SLIT3: variants seen among roughly 807,000 people sequenced by gnomAD.
SLIT3 encodes the protein slit guidance ligand 3.
In SLIT3, 68 loss-of-function variants were observed where a neutral mutation model predicts 184.0. The observed-to-expected ratio is 0.37, with a 90% confidence interval of 0.30 to 0.45. The LOEUF is 0.45. Among genes scored for constraint, SLIT3 ranks in the 20% least tolerant of loss-of-function variants. SLIT3 has a pLI of 1.00. For synonymous variants in SLIT3, 831 were observed against 828.6 expected (o/e 1.00, Z -0.05); for missense variants, 1,707 against 2,026.0 (o/e 0.84, Z 3.02).
intron 4 of SLIT3, among the ~76,000 whole-genome samples, chr5:169,101,822 G>A (rs2113231822): frequency 6.6e-6 from 1 of 152,298 alleles, no homozygotes; most frequent in African/African-American, 2.4e-5. Context: ...TCTGCTTAGA[G>A]TGTCTTTTAT....
At chr5:168,833,416 C>T (rs1206836471) in intron 6 of SLIT3, among the ~76,000 whole-genome samples, 4 of 152,146 alleles carry the variant, frequency 2.6e-5, no homozygotes, top group African/African-American at 9.7e-5. Flanking sequence ...CAGGGGACTC[C>T]AGTGCTTACT....
intron 4 of SLIT3, among the ~76,000 whole-genome samples, chr5:169,006,339 G>A (rs1314298581): frequency 6.6e-6 from 1 of 152,100 alleles, no homozygotes; most frequent in Non-Finnish European, 1.5e-5. Context: ...TGAGAGAGTT[G>A]GCAGATCTGG....
chr5:168,684,967 T>C (rs1186479957), intron 31 of SLIT3, among the ~76,000 whole-genome samples: 3 of 151,342 alleles, frequency 2.0e-5, no homozygotes, highest in African/African-American at 7.3e-5. Flanking sequence ...ATTTATTCTT[T>C]TGAGACAGAG....
In SLIT3 at chr5:169,251,370, G is replaced by C. The variant is rs759340572; in HGVS notation, c.269+18C>G. 1.3e-6 allele frequency: 2 copies of C among 1,579,384 alleles called. No individual in the cohort carries two copies. Among genetic ancestry groups the C allele is most frequent in the African/African-American group, 1.3e-5 (1 of 74,224 alleles). ...GAGCTAAAAATGAAAACACACTTGAGAGCCATCAACTACTTACAAGACTCG... is the reference window on the plus strand; with the variant it reads ...GAGCTAAAAATGAAAACACACTTGACAGCCATCAACTACTTACAAGACTCG... On this transcript the variant is annotated intron_variant, in intron 2 of 35. Coordinates refer to ENST00000519560, the MANE Select transcript of SLIT3 (RefSeq NM_003062.4).
intron 4 of SLIT3, among the ~76,000 whole-genome samples, chr5:169,169,768 C>A (rs1006304199): frequency 6.6e-6 from 1 of 152,230 alleles, no homozygotes; most frequent in African/African-American, 2.4e-5. Flanking sequence ...ACCACAGAAA[C>A]ACGACCTGAC....
At chr5:169,044,548 C>T (rs923207526) in intron 4 of SLIT3, among the ~76,000 whole-genome samples, 2 of 119,984 alleles carry the variant, frequency 1.7e-5, no homozygotes, top group South Asian at 5.1e-4. Context: ...TCCATAGAGA[C>T]AAAAAGTAGA....
chr5:168,975,908 G>C (rs1754740204), intron 4 of SLIT3, among the ~76,000 whole-genome samples: 1 of 152,158 alleles, frequency 6.6e-6, no homozygotes, highest in African/African-American at 2.4e-5. Context: ...AAGAGGAAGG[G>C]AGCAGTACAG....
At chr5:169,277,633 C>T (rs1469708898) in intron 1 of SLIT3, among the ~76,000 whole-genome samples, 1 of 152,158 alleles carries the variant, frequency 6.6e-6, no homozygotes, top group African/African-American at 2.4e-5. Context: ...GTATATACCA[C>T]ATTTTGTTTA....
intron 12 of SLIT3, among the ~76,000 whole-genome samples, chr5:168,782,929 T>C (rs538957505): frequency 1.3e-5 from 2 of 152,322 alleles, no homozygotes; most frequent in South Asian, 4.1e-4. Flanking sequence ...CTAGCTATTT[T>C]CAAACATCTG....
chr5:169,054,634 C>T lies in SLIT3; in HGVS notation c.413+138845G>A, dbSNP rs539292288. On this transcript the variant is annotated intron_variant, in intron 4 of 35. Coordinates refer to ENST00000519560, the MANE Select transcript of SLIT3 (RefSeq NM_003062.4). ...GTTTATAATTATTTCAAAGTAAAGTCCAAGCTCCTTAATATTACAAAGGCC... is the reference window on the plus strand; with the variant it reads ...GTTTATAATTATTTCAAAGTAAAGTTCAAGCTCCTTAATATTACAAAGGCC... 5.4e-4 allele frequency among the ~76,000 whole-genome samples: 82 copies of T among 152,240 alleles called. 1 individual carries two copies. Among genetic ancestry groups the T allele is most frequent in the African/African-American group, 1.7e-3 (71 of 41,538 alleles).
intron 3 of SLIT3, among the ~76,000 whole-genome samples, chr5:169,235,922 A>G (rs1765182309): frequency 6.6e-6 from 1 of 152,194 alleles, no homozygotes; most frequent in Non-Finnish European, 1.5e-5. Flanking sequence ...GGTGTGTGTC[A>G]TATTTCTCCA....
At chr5:169,205,713 T>C (rs2113498181) in intron 3 of SLIT3, among the ~76,000 whole-genome samples, 1 of 152,344 alleles carries the variant, frequency 6.6e-6, no homozygotes, top group Admixed American at 6.5e-5. Flanking sequence ...CTGAAAGTGC[T>C]ATAAGTTGCG....
chr5:168,951,264 G>C (rs1394050666), intron 4 of SLIT3, among the ~76,000 whole-genome samples: 2 of 152,150 alleles, frequency 1.3e-5, no homozygotes, highest in African/African-American at 4.8e-5. Flanking sequence ...TAATTTCAGT[G>C]AGTTATAGTG....
At chr5:169,289,317 G>A (rs917578617) in intron 1 of SLIT3, among the ~76,000 whole-genome samples, 1 of 152,210 alleles carries the variant, frequency 6.6e-6, no homozygotes, top group African/African-American at 2.4e-5. Flanking sequence ...AAGAAGAGGA[G>A]AGAAAGAATG....
At position 169,141,693 on chromosome 5, in the gene SLIT3, C is replaced by A. The variant is rs375619331; in HGVS notation, c.413+51786G>T. Among the ~76,000 whole-genome samples, 71 of 150,068 alleles carry A rather than the reference C, an allele frequency of 4.7e-4. 1 individual carries two copies. The East Asian group carries it at 0.012, about 26-fold the overall frequency. On this transcript the variant is annotated intron_variant, in intron 4 of 35. Transcript: ENST00000519560. The stretch of plus-strand genomic sequence containing the variant: ...GGCGGAGCTTGCAGTAAGCCGAGAT[C>A]GCGCCATTGCACTCCAGCCTGGGTG...
chr5:169,186,469 T>C (rs1012362683), intron 4 of SLIT3, among the ~76,000 whole-genome samples: 2 of 152,214 alleles, frequency 1.3e-5, no homozygotes, highest in African/African-American at 4.8e-5. Flanking sequence ...TATTTTGTGA[T>C]GGTAGCTGAG....
chr5:169,301,069 G>T lies in SLIT3; in HGVS notation c.-360C>A. 6.5e-6 allele frequency: 1 copy of T among 153,986 alleles called. No individual in the cohort carries two copies. Among genetic ancestry groups the T allele is most frequent in the South Asian group, 1.8e-4 (1 of 5,454 alleles). The allele number at this position is 153,986 out of a possible 1,614,324, so 9.5% of individuals were successfully genotyped here. ...AGGTCCGGCTTGGGGCTGGGCTGGG[G>T]AGCGCGGCGGCTGCGGCTGGGGCAC... On this transcript the variant is annotated 5_prime_UTR_variant, in exon 1 of 36. Coordinates refer to ENST00000519560, the MANE Select transcript of SLIT3 (RefSeq NM_003062.4).
intron 4 of SLIT3, among the ~76,000 whole-genome samples, chr5:169,117,714 A>G (rs1219899083): frequency 6.6e-6 from 1 of 152,196 alleles, no homozygotes; most frequent in Non-Finnish European, 1.5e-5. Context: ...GGAGATATCT[A>G]ACAAACTCTA....
At chr5:169,259,101 C>T (rs1766074785) in intron 1 of SLIT3, among the ~76,000 whole-genome samples, 1 of 152,214 alleles carries the variant, frequency 6.6e-6, no homozygotes, top group Non-Finnish European at 1.5e-5. Context: ...GAGACAGAGT[C>T]TTGCTCTCTT....
Sources: allele counts gnomAD v4.1 joint callset (sites outside exome capture counted in the v4.1 genomes callset), GRCh38; gene constraint gnomAD v4.1.1; transcripts MANE v1.5; gene names NCBI Gene and HGNC (gene_info 2026-07-23, HGNC 2026-07-21).